The following HTT variants were observed in gnomAD, a reference collection of about 807,000 sequenced individuals.
HTT encodes huntingtin.
HTT carries 104 observed loss-of-function variants against 362.3 expected under a neutral mutation model. That is an observed-to-expected ratio of 0.29 (90% CI 0.24 to 0.34). The LOEUF (loss-of-function observed/expected upper bound fraction) is 0.34. HTT is among the 10% of genes least tolerant of loss of function. The pLI is 1.00. For synonymous variants in HTT, 1,577 were observed against 1,548.7 expected, an observed-to-expected ratio of 1.02 and a Z score of -0.43; for missense variants, 3,301 against 3,928.6, an observed-to-expected ratio of 0.84 and a Z score of 4.27.
At chr4:3,183,037 C>T (rs184331793) in intron 37 of HTT, among the ~76,000 whole-genome samples, 49 of 152,264 alleles carry the variant, frequency 3.2e-4, no homozygotes, top group African/African-American at 1.1e-3. Flanking sequence ...TGCACCACTA[C>T]GCCTGGCTAG....
At chr4:3,124,662 G>A (rs927103697) in intron 10 of HTT, among the ~76,000 whole-genome samples, 3 of 152,136 alleles carry the variant, frequency 2.0e-5, no homozygotes, top group Non-Finnish European at 4.4e-5. Flanking sequence ...CATTTTATTT[G>A]ATTTCTCAAG....
Position 3,099,381 on chromosome 4 carries a change from A to G in HTT, c.455A>G (p.Asn152Ser). The change falls in exon 3 of 67, where the codon AAC becomes AGC. Residue 152 changes from asparagine to serine, a missense_variant. Coordinates refer to ENST00000355072, the MANE Select transcript of HTT (RefSeq NM_001388492.1). ...AGGATGGTGGCTGACGAATGCCTCA[A>G]CAAAGTTATCAAAGTAAGAACCGTG... The part of the protein sequence containing the change: ...DVRMVADECL[N>S]KVIKALMDSN... The G allele has an allele frequency of 1.2e-6, 2 of 1,614,038 alleles. No individual in the cohort carries two copies. The highest frequency in any genetic ancestry group is 1.1e-5 in the South Asian group (1 of 91,082).
intron 40 of HTT, among the ~76,000 whole-genome samples, chr4:3,192,840 A>G (rs1719068556): frequency 6.6e-6 from 1 of 152,194 alleles, no homozygotes; most frequent in Non-Finnish European, 1.5e-5. Context: ...GCCTTGGTCC[A>G]TTTGAGGATA....
intron 26 of HTT, among the ~76,000 whole-genome samples, chr4:3,152,578 T>TA (rs1716952287): frequency 6.6e-6 from 1 of 152,206 alleles, no homozygotes; most frequent in South Asian, 2.1e-4. Context: ...GCCACTAACC[T>TA]GCCTTCTGTC....
chr4:3,239,958 A>G lies in HTT; in HGVS notation c.9328A>G (p.Arg3110Gly), dbSNP rs1721732267. 1 of 1,593,648 alleles carries G rather than the reference A, an allele frequency of 6.3e-7. No individual in the cohort carries two copies. The highest frequency in any genetic ancestry group is 1.1e-5 in the South Asian group (1 of 87,578). Residue 3110 changes from arginine (R) to glycine (G), a missense_variant, in exon 67 of 67, where the codon AGG (arginine) becomes GGG (glycine). Transcript: ENST00000355072. Reference sequence around the variant, plus strand: ...CCAGATAGAGGAGGAGCTCGACCGCAGGGCCTTCCAGTCTGTGCTTGAGGT... The same window carrying G: ...CCAGATAGAGGAGGAGCTCGACCGCGGGGCCTTCCAGTCTGTGCTTGAGGT... Reference protein sequence around the residue: ...RHQIEEELDRRAFQSVLEVVA... With the variant: ...RHQIEEELDRGAFQSVLEVVA...
intron 23 of HTT, 147 bp from the exon 24 acceptor site, chr4:3,145,005 C>A: frequency 1.5e-6 from 1 of 670,884 alleles, no homozygotes; most frequent in East Asian, 2.6e-5. Context: ...GAAGTTGTAC[C>A]ATGGTGGGAC....
intron 40 of HTT, 62 bp downstream of exon 40, chr4:3,189,155 C>G: frequency 9.3e-6 from 14 of 1,498,462 alleles, no homozygotes; most frequent in Non-Finnish European, 1.3e-5. Context: ...TATACACTCT[C>G]AGAGTGTAGG....
At chr4:3,134,153 C>T (rs1027212344) in intron 18 of HTT, among the ~76,000 whole-genome samples, 1 of 152,104 alleles carries the variant, frequency 6.6e-6, no homozygotes, top group African/African-American at 2.4e-5. Context: ...GAAACCATGA[C>T]ATAAGCAGAA....
intron 24 of HTT, 114 bp from the exon 25 acceptor site, chr4:3,146,683 A>C (rs1578536511): frequency 1.2e-6 from 1 of 841,032 alleles, no homozygotes; most frequent in Non-Finnish European, 1.9e-6. Flanking sequence ...ACAATTTCTG[A>C]GCTGGTATAA....
intron 2 of HTT, among the ~76,000 whole-genome samples, chr4:3,093,039 G>C (rs1300521259): frequency 1.3e-5 from 2 of 152,192 alleles, no homozygotes; most frequent in African/African-American, 4.8e-5. Flanking sequence ...AAGGTGGTGA[G>C]AGCCCATATG....
intron 2 of HTT, 60 bp from the exon 3 acceptor site, chr4:3,099,214 C>A: frequency 8.5e-7 from 1 of 1,170,666 alleles, no homozygotes; most frequent in Non-Finnish European, 1.3e-6. Flanking sequence ...TACCTCATTA[C>A]ATTTCATTGT....
intron 26 of HTT, among the ~76,000 whole-genome samples, chr4:3,150,746 C>A (rs1014522452): frequency 6.6e-5 from 10 of 152,152 alleles, no homozygotes; most frequent in Non-Finnish European, 2.9e-5. Context: ...TGTTAAAAAC[C>A]GGACTGCAGG....
intron 37 of HTT, among the ~76,000 whole-genome samples, chr4:3,185,764 G>T (rs933588137): frequency 1.3e-5 from 2 of 152,060 alleles, no homozygotes. Flanking sequence ...AATACAAAAA[G>T]TAGCTGGGTG....
rs762798576 is a variant in HTT at position 3,172,432 on chromosome 4, C to T, written c.3942+35C>T. On this transcript the variant is annotated intron_variant, in intron 30 of 66. Coordinates refer to ENST00000355072, the MANE Select transcript of HTT (RefSeq NM_001388492.1). The stretch of plus-strand genomic sequence containing the variant: ...TCATTCTTTTCCTCTTCTGTTAAGA[C>T]GTTCGGGTATGACAGCAAAACGCTG... The T allele has an allele frequency of 4.4e-5, 61 of 1,390,388 alleles. No homozygotes were observed. The East Asian group carries it at 9.6e-4, about 22-fold the overall frequency. The allele number at this position is 1,390,388 out of a possible 1,614,324, so 86.1% of individuals were successfully genotyped here.
chr4:3,237,142 C>A (rs1176012524), intron 64 of HTT, among the ~76,000 whole-genome samples: 1 of 150,908 alleles, frequency 6.6e-6, no homozygotes, highest in East Asian at 1.9e-4. Context: ...GGTGTGATCT[C>A]GGCTCACTGC....
chr4:3,157,980 A>G (rs1717236660), intron 28 of HTT, among the ~76,000 whole-genome samples: 1 of 151,502 alleles, frequency 6.6e-6, no homozygotes, highest in African/African-American at 2.4e-5. Context: ...CTCATCTATT[A>G]GAAGCATCCT....
rs1713336548 is a variant in HTT at position 3,088,570 on chromosome 4, C to T, written c.347+1548C>T. 1.3e-5 allele frequency among the ~76,000 whole-genome samples: 2 copies of T among 152,170 alleles called. 1 individual carries two copies. Among genetic ancestry groups the T allele is most frequent in the South Asian group, 4.1e-4 (2 of 4,826 alleles). On this transcript the variant is annotated intron_variant, in intron 2 of 66. Coordinates refer to ENST00000355072, the MANE Select transcript of HTT (RefSeq NM_001388492.1). ...CAGTATATATATTCGTAATGTTGTA[C>T]AGCCATCACTGCCATCTACTTCATA...
intron 33 of HTT, 61 bp from the exon 34 acceptor site, chr4:3,177,271 A>G (rs1718283401): frequency 8.8e-7 from 1 of 1,140,908 alleles, no homozygotes; most frequent in South Asian, 1.3e-5. Flanking sequence ...GGAGGAAAAG[A>G]AGCCTGGTTT....
intron 40 of HTT, among the ~76,000 whole-genome samples, chr4:3,192,207 T>C (rs1018900237): frequency 2.0e-5 from 3 of 152,174 alleles, no homozygotes; most frequent in African/African-American, 7.2e-5. Flanking sequence ...TCTAAGTAGC[T>C]GAGACAATAG....
Sources: gnomAD v4.1 joint callset for allele counts (sites outside exome capture counted in the v4.1 genomes callset) on GRCh38, gnomAD v4.1.1 for gene constraint, MANE v1.5 for transcripts, NCBI Gene and HGNC (gene_info 2026-07-23, HGNC 2026-07-21) for gene names.